Variants in SNX7 observed in about 807,000 individuals in gnomAD.
SNX7 encodes sorting nexin 7, also known as sorting nexin-7.
A neutral mutation model predicts 48.4 loss-of-function variants in SNX7; 35 were observed. That is an observed-to-expected ratio of 0.72 (90% CI 0.55 to 0.96). The LOEUF (loss-of-function observed/expected upper bound fraction) is 0.96, where lower values mean the gene tolerates loss of function less well. SNX7 is among the 40% of genes least tolerant of loss of function. The pLI is 0.00. For missense variants in SNX7, 553 were observed against 548.9 expected, an observed-to-expected ratio of 1.01 and a Z score of -0.07; for synonymous variants, 190 against 190.2, an observed-to-expected ratio of 1.00 and a Z score of 0.01.
Position 98,760,184 on chromosome 1 carries a change from G to A in SNX7, c.*53G>A, listed in dbSNP as rs1462743522. Reference sequence around the variant, plus strand: ...TGGGAGACAGCATTTATTAACCAAAGTTATTCTTTCTGGATCTGCCGTGTC... The same window carrying A: ...TGGGAGACAGCATTTATTAACCAAAATTATTCTTTCTGGATCTGCCGTGTC... On this transcript the variant is annotated 3_prime_UTR_variant, in exon 9 of 9. Coordinates refer to ENST00000306121, the MANE Select transcript of SNX7 (RefSeq NM_015976.5). 7.2e-7 allele frequency: 1 copy of A among 1,379,668 alleles called. No homozygotes were observed. The highest frequency in any genetic ancestry group is 1.4e-5 in the African/African-American group (1 of 70,054). The allele number at this position is 1,379,668 out of a possible 1,614,324, so 85.5% of individuals were successfully genotyped here. A position where few individuals can be genotyped will look rare whatever the true frequency, so the allele number is the denominator to read the frequency against.
At chr1:98,672,106 A>G (rs1194982127) in intron 1 of SNX7, among the ~76,000 whole-genome samples, 3 of 152,156 alleles carry the variant, frequency 2.0e-5, no homozygotes, top group Admixed American at 6.5e-5. Flanking sequence ...TACTCTCTTC[A>G]TCAGCTTTCA....
intron 5 of SNX7, 63 bp downstream of exon 5, chr1:98,695,779 GTT>G: frequency 8.3e-7 from 1 of 1,203,520 alleles, no homozygotes; most frequent in South Asian, 1.3e-5. Context: ...CTTCACATTT[GTT>G]GGTGTAATAT....
chr1:98,728,452 T>C (rs1306471786), intron 7 of SNX7, among the ~76,000 whole-genome samples: 3 of 152,138 alleles, frequency 2.0e-5, no homozygotes, highest in African/African-American at 4.8e-5. Flanking sequence ...CATAGCAACA[T>C]TGGCCTTAAA....
At chr1:98,728,293 A>G (rs12043483) in intron 7 of SNX7, among the ~76,000 whole-genome samples, 2 of 151,990 alleles carry the variant, frequency 1.3e-5, no homozygotes, top group Non-Finnish European at 1.5e-5. Context: ...ACTAAGCTTC[A>G]TAAGTGAAGG....
In SNX7 at chr1:98,698,792, G is replaced by A; in HGVS notation, c.925G>A (p.Val309Ile). 7 of 1,613,420 alleles carry A rather than the reference G, an allele frequency of 4.3e-6. No homozygotes were observed. Among genetic ancestry groups the A allele is most frequent in the Non-Finnish European group, 5.9e-6 (7 of 1,179,696 alleles). ...GGATCTGGTTGATACTCTAAAGGAT[G>A]TTGCCAGCTGCATTGACAGATGCTG... Reference protein sequence around the residue: ...EEDLVDTLKDVASCIDRCCKA... With the variant: ...EEDLVDTLKDIASCIDRCCKA... The change falls in exon 6 of 9, where the codon GTT becomes ATT. Residue 309 changes from valine to isoleucine, a missense_variant. Val to Ile is a conservative substitution (Grantham distance 29). Transcript: ENST00000306121.
chr1:98,684,476 G>T (rs1650671919), intron 1 of SNX7, among the ~76,000 whole-genome samples: 1 of 152,140 alleles, frequency 6.6e-6, no homozygotes, highest in Admixed American at 6.5e-5. Context: ...ACAGTGAAAG[G>T]GCAGGAGAGG....
intron 1 of SNX7, among the ~76,000 whole-genome samples, chr1:98,683,772 C>T (rs1384362721): frequency 6.6e-6 from 1 of 152,138 alleles, no homozygotes; most frequent in Non-Finnish European, 1.5e-5. Context: ...GTGGGGGTTG[C>T]ACCTTCCTGC....
At chr1:98,715,943 C>T (rs1348400699) in intron 7 of SNX7, among the ~76,000 whole-genome samples, 1 of 151,986 alleles carries the variant, frequency 6.6e-6, no homozygotes, top group Non-Finnish European at 1.5e-5. Context: ...GTTTTTATAT[C>T]TATGATGTAT....
chr1:98,734,956 C>G (rs1251993497), intron 7 of SNX7, among the ~76,000 whole-genome samples: 1 of 152,178 alleles, frequency 6.6e-6, no homozygotes, highest in African/African-American at 2.4e-5. Flanking sequence ...TAAATCCTAT[C>G]TAGCCCAGTC....
upstream of SNX7, chr1:98,661,570 C>G: frequency 1.7e-6 from 1 of 605,292 alleles, no homozygotes; most frequent in Non-Finnish European, 2.3e-6. Flanking sequence ...ATGCGCCCGG[C>G]CCGGGCCAGC....
At chr1:98,684,846 T>A (rs755122192) in intron 1 of SNX7, 39 bp from the exon 2 acceptor site, 32 of 1,359,138 alleles carry the variant, frequency 2.4e-5, no homozygotes, top group Non-Finnish European at 3.0e-5. Flanking sequence ...GAGTTTAATT[T>A]TTCTATTGAT....
At chr1:98,748,324 T>A (rs1452452183) in intron 8 of SNX7, among the ~76,000 whole-genome samples, 1 of 151,972 alleles carries the variant, frequency 6.6e-6, no homozygotes, top group East Asian at 1.9e-4. Context: ...TGAAAAATAT[T>A]CTCATCAGTC....
intron 1 of SNX7, among the ~76,000 whole-genome samples, chr1:98,667,623 C>G (rs971819287): frequency 6.6e-6 from 1 of 151,750 alleles, no homozygotes; most frequent in Non-Finnish European, 1.5e-5. Flanking sequence ...CTCAGGTGAT[C>G]TGCCCACCTC....
intron 1 of SNX7, among the ~76,000 whole-genome samples, chr1:98,679,409 CT>C (rs1650354483): frequency 1.3e-5 from 2 of 152,280 alleles, no homozygotes; most frequent in East Asian, 1.9e-4. Context: ...CACTCCACCC[CT>C]GGCGCCTCCC....
At chr1:98,742,476 C>T (rs151269447) in intron 8 of SNX7, among the ~76,000 whole-genome samples, 12 of 152,128 alleles carry the variant, frequency 7.9e-5, no homozygotes, top group East Asian at 5.8e-4. Context: ...TGCCAAATTA[C>T]GCAGTTTGTC....
chr1:98,738,410 T>C (rs757940402), intron 8 of SNX7, 21 bp downstream of exon 8: 4 of 1,607,548 alleles, frequency 2.5e-6, no homozygotes, highest in Non-Finnish European at 3.4e-6. Flanking sequence ...TTGTTTGATA[T>C]TGCTTCATTT....
At chr1:98,727,748 A>G (rs74840135) in intron 7 of SNX7, among the ~76,000 whole-genome samples, 3,706 of 152,180 alleles carry the variant, frequency 0.024, 159 homozygotes, top group African/African-American at 0.085. Flanking sequence ...CAACCATAGT[A>G]TCAATAACCG....
intron 7 of SNX7, among the ~76,000 whole-genome samples, chr1:98,714,631 TA>T (rs1652491735): frequency 6.6e-6 from 1 of 152,128 alleles, no homozygotes; most frequent in African/African-American, 2.4e-5. Flanking sequence ...TGAATCATCA[TA>T]AGGGGCCATT....
chr1:98,745,724 C>T (rs1036026160), intron 8 of SNX7, among the ~76,000 whole-genome samples: 13 of 151,876 alleles, frequency 8.6e-5, no homozygotes, highest in African/African-American at 2.4e-4. Context: ...ATTATCTTAC[C>T]GTCTTATTCA....
Sources: allele counts gnomAD v4.1 joint callset (sites outside exome capture counted in the v4.1 genomes callset), GRCh38; gene constraint gnomAD v4.1.1; transcripts MANE v1.5; gene names NCBI Gene and HGNC (gene_info 2026-07-23, HGNC 2026-07-21).